The following TCF12 variants were observed in gnomAD, a reference collection of about 807,000 sequenced individuals.
TCF12 encodes the protein DNA-binding protein HTF4.
TCF12 carries 45 observed loss-of-function variants against 86.0 expected under a neutral mutation model. That is an observed-to-expected ratio of 0.52 (90% CI 0.41 to 0.67). The LOEUF is 0.67. Among genes scored for constraint, TCF12 ranks in the 30% least tolerant of loss-of-function variants. TCF12 has a pLI of 0.00. For synonymous variants in TCF12, 330 were observed against 299.6 expected (o/e 1.10, Z -1.05); for missense variants, 881 against 859.9 (o/e 1.02, Z -0.31).
At chr15:57,282,019 T>C (rs1387507812) in intron 19 of TCF12, among the ~76,000 whole-genome samples, 1 of 152,166 alleles carries the variant, frequency 6.6e-6, no homozygotes, top group Non-Finnish European at 1.5e-5. Flanking sequence ...TCTCTTACTT[T>C]ATCCTTTTCT....
chr15:56,971,646 TG>T lies in TCF12; in HGVS notation c.148+50551del, dbSNP rs1405050203. On this transcript the variant is annotated intron_variant, in intron 3 of 20. Transcript: ENST00000333725. The stretch of plus-strand genomic sequence containing the variant: ...AGGGATAATTCATATTCTGTTGGAG[TG>T]GGAAAGTGTAAGATTTCACCATGCT... 3.3e-5 allele frequency among the ~76,000 whole-genome samples: 5 copies of T among 152,074 alleles called. No homozygotes were observed. In the East Asian group the frequency reaches 9.6e-4, roughly 29 times the overall value.
chr15:56,971,600 T>C (rs2062330576), intron 3 of TCF12, among the ~76,000 whole-genome samples: 1 of 152,088 alleles, frequency 6.6e-6, no homozygotes, highest in Non-Finnish European at 1.5e-5. Flanking sequence ...TAGAATTTTA[T>C]TTTTGGTTTG....
chr15:57,265,633 G>T (rs571325431), intron 18 of TCF12, among the ~76,000 whole-genome samples: 1 of 152,078 alleles, frequency 6.6e-6, no homozygotes, highest in South Asian at 2.1e-4. Flanking sequence ...ATGATATTTT[G>T]TCACCAGAAA....
chr15:57,102,295 A>G (rs1222486017), intron 5 of TCF12, among the ~76,000 whole-genome samples: 1 of 152,188 alleles, frequency 6.6e-6, no homozygotes, highest in African/African-American at 2.4e-5. Context: ...CAATTTGTTG[A>G]AGAATTAATA....
chr15:57,288,923 ATAAT>A lies in TCF12; in HGVS notation c.*2782_*2785del, dbSNP rs1453866387. ...TACCCTTTCTCACAAAAAAAGTGTC[ATAAT>A]TAAGTAATGGTATTGTTTACTGTTT... On this transcript the variant is annotated 3_prime_UTR_variant, in exon 21 of 21. Transcript: ENST00000333725. The A allele has an allele frequency of 1.3e-5, 2 of 152,226 alleles. No homozygotes were observed. Among genetic ancestry groups the A allele is most frequent in the Non-Finnish European group, 2.9e-5 (2 of 68,034 alleles). 9.4% of individuals were successfully genotyped at this position (152,226 alleles called of 1,614,324 possible). A position where few individuals can be genotyped will look rare whatever the true frequency, so the allele number is the denominator to read the frequency against.
chr15:57,223,469 A>G (rs1387468224), intron 8 of TCF12, among the ~76,000 whole-genome samples: 1 of 152,004 alleles, frequency 6.6e-6, no homozygotes, highest in African/African-American at 2.4e-5. Context: ...TGGTCAGAGT[A>G]ACAATTTCAT....
chr15:57,112,179 C>T (rs530355326), intron 5 of TCF12, among the ~76,000 whole-genome samples: 31 of 152,320 alleles, frequency 2.0e-4, no homozygotes, highest in Non-Finnish European at 4.0e-4. Context: ...GCTGAGGGCT[C>T]TAGCTCTCTA....
chr15:57,253,286 G>A lies in TCF12; in HGVS notation c.1285G>A (p.Asp429Asn). Residue 429 changes from aspartate (D) to asparagine (N), a missense_variant, in exon 16 of 21, where the codon GAC becomes AAC. Around this residue, in one of 3 missense-constraint regions of TCF12, gnomAD observed 766 missense variants for 718.9 expected, o/e 1.07. Coordinates refer to ENST00000333725, the MANE Select transcript of TCF12 (RefSeq NM_207037.2). ...GCAGTCTCGAATGGAGGATCGTTTA[G>A]ACAGACTGGATGATGCAATCCATGT... is the stretch of plus-strand genomic sequence containing the variant. Reference protein sequence around the residue: ...CEQSRMEDRLDRLDDAIHVLR... With the variant: ...CEQSRMEDRLNRLDDAIHVLR... 6.2e-7 allele frequency: 1 copy of A among 1,613,908 alleles called. No homozygotes were observed. Among genetic ancestry groups the A allele is most frequent in the Non-Finnish European group, 8.5e-7 (1 of 1,179,906 alleles).
At chr15:56,918,370 C>G (rs1436770027), upstream of TCF12, 5 of 386,464 alleles carry the variant, frequency 1.3e-5, no homozygotes, top group Non-Finnish European at 2.6e-5. Flanking sequence ...CCTGCCACCC[C>G]GCTCCCAGGA....
At chr15:57,022,266 G>A (rs1206650507) in intron 3 of TCF12, among the ~76,000 whole-genome samples, 2 of 151,692 alleles carry the variant, frequency 1.3e-5, no homozygotes, top group African/African-American at 2.4e-5. Context: ...CCCATCCTGT[G>A]TCCAAGTGTT....
At chr15:57,261,881 G>T (rs1597722656) in intron 16 of TCF12, among the ~76,000 whole-genome samples, 1 of 152,034 alleles carries the variant, frequency 6.6e-6, no homozygotes, top group Non-Finnish European at 1.5e-5. Flanking sequence ...TTTAAAAAAG[G>T]TATGTTTTGG....
intron 16 of TCF12, among the ~76,000 whole-genome samples, chr15:57,258,694 T>TA (rs1282433101): frequency 6.6e-6 from 1 of 152,184 alleles, no homozygotes. Flanking sequence ...AGAAGTGACA[T>TA]ATTCTTGTAT....
intron 16 of TCF12, among the ~76,000 whole-genome samples, chr15:57,254,836 C>G (rs1389853703): frequency 7.7e-6 from 1 of 130,028 alleles, no homozygotes; most frequent in Non-Finnish European, 1.6e-5. Flanking sequence ...CCAGCCTAGG[C>G]CATAGAGCAT....
At chr15:57,159,419 G>C (rs566690125) in intron 5 of TCF12, among the ~76,000 whole-genome samples, 1 of 152,284 alleles carries the variant, frequency 6.6e-6, no homozygotes, top group African/African-American at 2.4e-5. Flanking sequence ...AGAGGAGCAG[G>C]TTCTCCACGA....
chr15:57,249,148 C>T (rs16977346), intron 13 of TCF12, among the ~76,000 whole-genome samples: 1,920 of 152,218 alleles, frequency 0.013, 43 homozygotes, highest in African/African-American at 0.04. Context: ...CATAATTCTG[C>T]ATCAGTGCTT....
At chr15:57,259,402 A>G (rs1263974920) in intron 16 of TCF12, among the ~76,000 whole-genome samples, 1 of 152,234 alleles carries the variant, frequency 6.6e-6, no homozygotes, top group Non-Finnish European at 1.5e-5. Context: ...ACGATTCAAA[A>G]TCAAGAGGAA....
At chr15:57,237,842 A>G (rs2059443310) in intron 12 of TCF12, among the ~76,000 whole-genome samples, 1 of 152,216 alleles carries the variant, frequency 6.6e-6, no homozygotes, top group African/African-American at 2.4e-5. Context: ...TTGGTAATAA[A>G]ATAAACACTC....
intron 5 of TCF12, among the ~76,000 whole-genome samples, chr15:57,150,873 C>CCCTTCCTTCCTTCCTTCCTT (rs374734642): frequency 2.5e-5 from 1 of 40,680 alleles, no homozygotes; most frequent in African/African-American, 7.7e-5. Context: ...CCCCCTCTGT[C>CCCTTCCTTCCTTCCTTCCTT]CCTTCCTTCC....
intron 16 of TCF12, among the ~76,000 whole-genome samples, chr15:57,256,888 A>G (rs1287023564): frequency 6.6e-6 from 1 of 152,306 alleles, no homozygotes; most frequent in East Asian, 1.9e-4. Context: ...ACTTTATCCT[A>G]ATGGGCAGCA....
Sources: gnomAD v4.1 joint callset for allele counts (sites outside exome capture counted in the v4.1 genomes callset) on GRCh38, gnomAD v4.1.1 for gene constraint, gnomAD v4.1.1 regional missense constraint, MANE v1.5 for transcripts, NCBI Gene and HGNC (gene_info 2026-07-23, HGNC 2026-07-21) for gene names.